Variants in KARS1 observed in about 807,000 individuals in gnomAD.
The protein encoded by KARS1 is lysyl-tRNA synthetase 1.
A neutral mutation model predicts 63.9 loss-of-function variants in KARS1; 50 were observed. That is an observed-to-expected ratio of 0.78 (90% confidence interval 0.62 to 0.99). The LOEUF is 0.99. Ranked by LOEUF, KARS1 falls within the 50% of genes least tolerant of loss-of-function variation. The pLI is 0.00. For synonymous variants in KARS1, 320 were observed against 264.6 expected, an observed-to-expected ratio of 1.21 and a Z score of -2.03; for missense variants, 816 against 754.5, an observed-to-expected ratio of 1.08 and a Z score of -0.95.
rs577862630 is a variant in KARS1 at position 75,639,430 on chromosome 16, G to A, written c.388+754C>T. Among the ~76,000 whole-genome samples the A allele has an allele frequency of 3.9e-5, 6 of 152,130 alleles. No homozygotes were observed. In the East Asian group the frequency reaches 9.7e-4, roughly 25 times the overall value. On this transcript the variant is annotated intron_variant, in intron 3 of 13. Coordinates refer to ENST00000302445, the MANE Select transcript of KARS1 (RefSeq NM_005548.3). ...CTACTAAAAATACAAAACTTAGCCGGGCGTGGTGGCAGGTGCCTGTAATCC... is the reference window on the plus strand; with the variant it reads ...CTACTAAAAATACAAAACTTAGCCGAGCGTGGTGGCAGGTGCCTGTAATCC...
intron 1 of KARS1, among the ~76,000 whole-genome samples, chr16:75,645,617 C>T (rs887809617): frequency 3.3e-5 from 5 of 151,988 alleles, no homozygotes; most frequent in Non-Finnish European, 5.9e-5. Flanking sequence ...GGGGTTGAGG[C>T]GGACGGATCA....
intron 6 of KARS1, 33 bp from the exon 7 acceptor site, chr16:75,634,325 G>T: frequency 6.2e-7 from 1 of 1,611,836 alleles, no homozygotes; most frequent in South Asian, 1.1e-5. Flanking sequence ...TCAGTCCTTA[G>T]ATAACCAGAG....
chr16:75,647,496 C>T, intron 1 of KARS1, 82 bp downstream of exon 1: 3 of 1,316,752 alleles, frequency 2.3e-6, no homozygotes, highest in South Asian at 1.2e-5. Context: ...CCCGGCACAG[C>T]AGCCTTGGTG....
chr16:75,637,376 T>C (rs2082173387), intron 3 of KARS1, among the ~76,000 whole-genome samples: 1 of 151,612 alleles, frequency 6.6e-6, no homozygotes, highest in Non-Finnish European at 1.5e-5. Context: ...TGGCCAAAGG[T>C]ATCCTCTGGA....
chr16:75,629,445 C>T lies in KARS1; in HGVS notation c.1521G>A (p.Arg507=). The change falls in exon 12 of 14, where the codon CGG becomes CGA. Residue 507 remains arginine, a synonymous_variant. Transcript: ENST00000302445. The part of the protein sequence containing the change: ...NAYTELNDPM[R]QRQLFEEQAK... Reference sequence around the variant, plus strand: ...CCTGTTCTTCAAAAAGCTGCCGCTGCCGCATGGGATCATTCAGCTCAGTAT... The same window carrying T: ...CCTGTTCTTCAAAAAGCTGCCGCTGTCGCATGGGATCATTCAGCTCAGTAT... 1 of 1,614,154 alleles carries T rather than the reference C, an allele frequency of 6.2e-7. No individual in the cohort carries two copies. Among genetic ancestry groups the T allele is most frequent in the Non-Finnish European group, 8.5e-7 (1 of 1,179,984 alleles).
Position 75,629,476 on chromosome 16 carries a change from T to C in KARS1, c.1490A>G (p.Asn497Ser), listed in dbSNP as rs760948024. 3.7e-6 allele frequency: 6 copies of C among 1,614,076 alleles called. No individual in the cohort carries two copies. The highest frequency in any genetic ancestry group is 1.7e-5 in the Admixed American group (1 of 60,004). Residue 497 changes from asparagine to serine, a missense_variant, in exon 12 of 14, where the codon AAT (asparagine) becomes AGT (serine). By Grantham distance (46) the Asn-to-Ser change is conservative (BLOSUM62 1). Transcript: ENST00000302445. ...ELFVMKKEIC[N>S]AYTELNDPMR... ...GGGATCATTCAGCTCAGTATACGCA[T>C]TGCATATCTCTTTCTTCATGACAAA...
intron 7 of KARS1, 112 bp downstream of exon 7, chr16:75,634,061 T>G: frequency 8.4e-7 from 1 of 1,189,310 alleles, no homozygotes; most frequent in Non-Finnish European, 1.2e-6. Flanking sequence ...CAGAACACTT[T>G]CTTGGCTGCT....
At chr16:75,634,661 C>T (rs112783308) in intron 6 of KARS1, among the ~76,000 whole-genome samples, 2 of 152,124 alleles carry the variant, frequency 1.3e-5, no homozygotes, top group African/African-American at 2.4e-5. Context: ...TGGCAAGCTC[C>T]GCCTCCTGGG....
chr16:75,638,666 A>C (rs2082190736), intron 3 of KARS1, among the ~76,000 whole-genome samples: 1 of 152,252 alleles, frequency 6.6e-6, no homozygotes, highest in South Asian at 2.1e-4. Context: ...CTATAAGGAA[A>C]TAATAGTGAC....
At chr16:75,647,282 G>A (rs1046088886) in intron 1 of KARS1, among the ~76,000 whole-genome samples, 3 of 152,204 alleles carry the variant, frequency 2.0e-5, no homozygotes, top group Non-Finnish European at 4.4e-5. Context: ...AGGAAGTTTC[G>A]CTTTTCTTTT....
At chr16:75,635,430 C>T (rs535972143) in intron 6 of KARS1, 8 of 457,766 alleles carry the variant, frequency 1.7e-5, no homozygotes, top group Admixed American at 7.0e-5. Flanking sequence ...AGCAAAATGA[C>T]GTGAATACAT....
At chr16:75,640,103 A>G in intron 3 of KARS1, 81 bp downstream of exon 3, 1 of 1,238,776 alleles carries the variant, frequency 8.1e-7, no homozygotes. Context: ...AACAAGACCA[A>G]CCCAGACCTT....
intron 2 of KARS1, 133 bp downstream of exon 2, chr16:75,641,431 G>A (rs1418384553): frequency 4.1e-6 from 3 of 732,866 alleles, no homozygotes; most frequent in Non-Finnish European, 7.0e-6. Flanking sequence ...GATGCAGTGG[G>A]AGACCCTCCC....
intron 1 of KARS1, chr16:75,647,314 C>T (rs1424540879): frequency 1.7e-6 from 1 of 584,532 alleles, no homozygotes; most frequent in Admixed American, 3.0e-5. Context: ...TAGTTCTCGT[C>T]CTAGTTCCTC....
At chr16:75,640,864 G>T (rs916356710) in intron 2 of KARS1, among the ~76,000 whole-genome samples, 1 of 152,156 alleles carries the variant, frequency 6.6e-6, no homozygotes, top group Non-Finnish European at 1.5e-5. Context: ...TCAGAAATAC[G>T]TAAACAAATG....
At chr16:75,645,874 A>G (rs1271589390) in intron 1 of KARS1, among the ~76,000 whole-genome samples, 1 of 151,418 alleles carries the variant, frequency 6.6e-6, no homozygotes, top group Non-Finnish European at 1.5e-5. Flanking sequence ...AAAGTCAGTA[A>G]AGAGGAATTA....
intron 4 of KARS1, 68 bp from the exon 5 acceptor site, chr16:75,636,166 G>A (rs992964338): frequency 7.1e-5 from 70 of 988,178 alleles, no homozygotes; most frequent in Non-Finnish European, 1.1e-4. Context: ...GTCTCCTCTG[G>A]AACCCTCACT....
At chr16:75,644,830 GC>G (rs1397915803) in intron 1 of KARS1, among the ~76,000 whole-genome samples, 1 of 152,146 alleles carries the variant, frequency 6.6e-6, no homozygotes, top group Admixed American at 6.5e-5. Context: ...CCACAAGATG[GC>G]AATAGGAAGC....
chr16:75,647,488 C>T (rs2082301708), intron 1 of KARS1, 90 bp downstream of exon 1: 2 of 1,242,126 alleles, frequency 1.6e-6, no homozygotes, highest in Non-Finnish European at 2.3e-6. Flanking sequence ...AAGAAGGCCC[C>T]GGCACAGCAG....
Sources: gnomAD v4.1 joint callset for allele counts (sites outside exome capture counted in the v4.1 genomes callset) on GRCh38, gnomAD v4.1.1 for gene constraint, MANE v1.5 for transcripts, NCBI Gene and HGNC (gene_info 2026-07-23, HGNC 2026-07-21) for gene names.